The following TNIK variants were observed in gnomAD, a reference collection of about 807,000 sequenced individuals.
TNIK encodes the protein TRAF2 and NCK interacting kinase, also known as TRAF2 and NCK-interacting protein kinase.
In TNIK, 49 loss-of-function variants were observed where a neutral mutation model predicts 191.3. The ratio of observed to expected loss-of-function variants is 0.26; its 90% confidence interval spans 0.20 to 0.32. TNIK has a LOEUF of 0.32. TNIK is among the 10% of genes least tolerant of loss of function. The pLI, the probability that TNIK is intolerant of heterozygous loss-of-function variation, is 1.00. For missense variants in TNIK, 1,155 were observed against 1,702.3 expected, an observed-to-expected ratio of 0.68 and a Z score of 5.66; for synonymous variants, 594 against 600.9, an observed-to-expected ratio of 0.99 and a Z score of 0.17.
chr3:171,257,982 T>C (rs1747089938), intron 2 of TNIK, among the ~76,000 whole-genome samples: 1 of 152,200 alleles, frequency 6.6e-6, no homozygotes. Flanking sequence ...CATTTGGAGA[T>C]TGTCCCTAGC....
In TNIK at chr3:171,343,007, A is replaced by G. The variant is rs189707472; in HGVS notation, c.123+26613T>C. On this transcript the variant is annotated intron_variant, in intron 2 of 32. Coordinates refer to ENST00000436636, the MANE Select transcript of TNIK (RefSeq NM_015028.4). ...CTTTGCTCCTCCTTTGCCTTCCACC[A>G]TAATAATGAGGCCCTCCCCAGCCAC... Among the ~76,000 whole-genome samples, 373 of 152,316 alleles carry G rather than the reference A, an allele frequency of 2.4e-3. 11 individuals carry two copies. The South Asian group carries it at 0.064, about 26-fold the overall frequency.
At chr3:171,347,229 A>AG (rs1211499223) in intron 2 of TNIK, 3 of 1,526,152 alleles carry the variant, frequency 2.0e-6, no homozygotes, top group Middle Eastern at 1.7e-4. Flanking sequence ...CTGAAAAAAA[A>AG]AAAAAAAGAA....
intron 2 of TNIK, among the ~76,000 whole-genome samples, chr3:171,255,434 G>A (rs1442797042): frequency 2.6e-5 from 4 of 152,124 alleles, no homozygotes; most frequent in Non-Finnish European, 5.9e-5. Flanking sequence ...CATTTTGAAA[G>A]TTTCCTGTTT....
intron 16 of TNIK, among the ~76,000 whole-genome samples, chr3:171,127,938 ATT>A (rs1304574879): frequency 3.3e-5 from 5 of 152,130 alleles, no homozygotes; most frequent in African/African-American, 9.7e-5. Flanking sequence ...AAACTACATT[ATT>A]TTTCATGGAA....
chr3:171,430,662 A>T (rs1052651521), intron 1 of TNIK, among the ~76,000 whole-genome samples: 4 of 151,470 alleles, frequency 2.6e-5, no homozygotes, highest in South Asian at 2.1e-4. Context: ...AAAAAAAAAA[A>T]GAAATGAAAT....
chr3:171,412,002 G>A (rs946822603), intron 1 of TNIK, among the ~76,000 whole-genome samples: 3 of 152,080 alleles, frequency 2.0e-5, no homozygotes, highest in African/African-American at 7.2e-5. Context: ...TTTGCCTTGG[G>A]TGCCTGCTCT....
chr3:171,293,389 C>T (rs1021412018), intron 2 of TNIK, among the ~76,000 whole-genome samples: 32 of 152,268 alleles, frequency 2.1e-4, no homozygotes, highest in African/African-American at 7.7e-4. Context: ...GTCTTCACTC[C>T]CAAGGGTAGG....
In TNIK at chr3:171,140,151, G is replaced by A. The variant is rs192816545; in HGVS notation, c.1332+248C>T. Among the ~76,000 whole-genome samples the A allele has an allele frequency of 7.9e-5, 12 of 152,342 alleles. No individual in the cohort carries two copies. In the East Asian group the frequency reaches 1.7e-3, roughly 22 times the overall value. ...CAGTGCTACCTTCAAATCAGATACCGAGGGTTGGGAGAATCGGAAGATCCG... is the reference window on the plus strand; with the variant it reads ...CAGTGCTACCTTCAAATCAGATACCAAGGGTTGGGAGAATCGGAAGATCCG... On this transcript the variant is annotated intron_variant, in intron 13 of 32. Transcript: ENST00000436636.
intron 7 of TNIK, among the ~76,000 whole-genome samples, chr3:171,187,969 T>C (rs1737575132): frequency 6.6e-6 from 1 of 152,170 alleles, no homozygotes; most frequent in Admixed American, 6.5e-5. Context: ...TGCCTTGACT[T>C]TCAGTCACCA....
At chr3:171,386,450 A>G (rs1173010616) in intron 1 of TNIK, among the ~76,000 whole-genome samples, 2 of 151,270 alleles carry the variant, frequency 1.3e-5, no homozygotes, top group African/African-American at 2.4e-5. Flanking sequence ...ATGCTAACAA[A>G]TTTCTGGTTT....
At position 171,079,960 on chromosome 3, in the gene TNIK, A is replaced by G. The variant is rs116242982; in HGVS notation, c.3314-308T>C. Among the ~76,000 whole-genome samples the G allele has an allele frequency of 4.6e-3, 708 of 152,336 alleles. 7 individuals carry two copies. The highest frequency in any genetic ancestry group is 0.017 in the African/African-American group (688 of 41,578). ...CAAAGCAGTGTCTGCTGAACTTAGT[A>G]AGAGCTAACTCTTCAACAGAGTGAT... On this transcript the variant is annotated intron_variant, in intron 27 of 32. Transcript: ENST00000436636.
chr3:171,253,872 C>A (rs1746546274), intron 2 of TNIK, among the ~76,000 whole-genome samples: 1 of 152,142 alleles, frequency 6.6e-6, no homozygotes, highest in Non-Finnish European at 1.5e-5. Flanking sequence ...CATATTAAAA[C>A]TTCCAGAGAA....
intron 4 of TNIK, among the ~76,000 whole-genome samples, chr3:171,204,290 G>A (rs1418698176): frequency 6.6e-6 from 1 of 152,146 alleles, no homozygotes; most frequent in Non-Finnish European, 1.5e-5. Flanking sequence ...TCCACAAAGA[G>A]CTAGTGCTAA....
At chr3:171,430,064 TCC>T (rs1725172659) in intron 1 of TNIK, among the ~76,000 whole-genome samples, 1 of 152,038 alleles carries the variant, frequency 6.6e-6, no homozygotes, top group Non-Finnish European at 1.5e-5. Context: ...TTTCACAAGC[TCC>T]CCAGGTAAGG....
At chr3:171,280,012 A>G (rs1453576098) in intron 2 of TNIK, among the ~76,000 whole-genome samples, 2 of 152,194 alleles carry the variant, frequency 1.3e-5, no homozygotes, top group Non-Finnish European at 2.9e-5. Flanking sequence ...ACAGTTCTAC[A>G]GTTCTATAAG....
At chr3:171,155,418 C>A (rs149854203) in intron 12 of TNIK, among the ~76,000 whole-genome samples, 1 of 152,360 alleles carries the variant, frequency 6.6e-6, no homozygotes, top group African/African-American at 2.4e-5. Flanking sequence ...AAAGAGAAAG[C>A]TGGAATAATC....
chr3:171,177,816 C>T (rs1736140116), intron 7 of TNIK, among the ~76,000 whole-genome samples: 1 of 152,190 alleles, frequency 6.6e-6, no homozygotes, highest in African/African-American at 2.4e-5. Flanking sequence ...TACCCATCAT[C>T]CCCCAAAGAT....
intron 7 of TNIK, among the ~76,000 whole-genome samples, chr3:171,179,580 T>C (rs980258483): frequency 3.3e-5 from 5 of 151,946 alleles, no homozygotes; most frequent in African/African-American, 1.2e-4. Context: ...GCCTCCCGAG[T>C]AGCTGGGACT....
intron 2 of TNIK, among the ~76,000 whole-genome samples, 168 bp from the exon 3 acceptor site, chr3:171,228,389 T>C (rs1199178990): frequency 6.6e-6 from 1 of 152,156 alleles, no homozygotes; most frequent in East Asian, 1.9e-4. Flanking sequence ...GTTTATTTTG[T>C]AAAACGTCCC....
Sources: gnomAD v4.1 joint callset for allele counts (sites outside exome capture counted in the v4.1 genomes callset) on GRCh38, gnomAD v4.1.1 for gene constraint, MANE v1.5 for transcripts, NCBI Gene and HGNC (gene_info 2026-07-23, HGNC 2026-07-21) for gene names.